EYA4: variants seen among roughly 807,000 people sequenced by gnomAD.
EYA4 encodes EYA transcriptional coactivator and phosphatase 4.
A neutral mutation model predicts 87.9 loss-of-function variants in EYA4; 31 were observed. That is an observed-to-expected ratio of 0.35 (90% CI 0.27 to 0.48). The LOEUF is 0.48. Among genes scored for constraint, EYA4 ranks in the 20% least tolerant of loss-of-function variants. EYA4 has a pLI of 0.99. For missense variants in EYA4, 678 were observed against 761.4 expected, an observed-to-expected ratio of 0.89 and a Z score of 1.29; for synonymous variants, 263 against 270.6, an observed-to-expected ratio of 0.97 and a Z score of 0.28.
rs763899252 is a variant in EYA4, at chr6:133,468,628, G to A, written c.867G>A (p.Thr289=). 4.0e-5 allele frequency: 64 copies of A among 1,612,498 alleles called. 2 individuals are homozygous for A. In the South Asian group the frequency reaches 5.2e-4, roughly 13 times the overall value. The change falls in exon 11 of 20, where the codon ACG becomes ACA. Residue 289 remains threonine, a synonymous_variant. Coordinates refer to ENST00000355286, the MANE Select transcript of EYA4 (RefSeq NM_004100.5). ...NQYAQYYSAS[T]YGAYMTSNNT... is the part of the protein sequence containing the mutation. ...ATGCACAGTATTATTCAGCATCAAC[G>A]TATGGAGCGTATATGACATCGAATA...
rs151214258 is a variant in EYA4 at position 133,361,591 on chromosome 6, C to T, written c.34-20801C>T. ...TGAATAAGATAAAACTCAAACCGTT[C>T]GTAGTTGTTGGCAGTTTTAGGGATG... is the stretch of plus-strand genomic sequence containing the variant. On this transcript the variant is annotated intron_variant, in intron 2 of 19. Transcript: ENST00000355286. 8.3e-4 allele frequency among the ~76,000 whole-genome samples: 126 copies of T among 152,152 alleles called. 3 individuals carry two copies. In the East Asian group the frequency reaches 0.018, roughly 22 times the overall value.
Position 133,531,293 on chromosome 6 carries a change from G to A in EYA4, c.*2488G>A. The A allele has an allele frequency of 8.0e-7, 1 of 1,245,904 alleles. No homozygotes were observed. Among genetic ancestry groups the A allele is most frequent in the South Asian group, 1.3e-5 (1 of 77,954 alleles). 77.2% of individuals were successfully genotyped at this position (1,245,904 alleles called of 1,614,324 possible). A position where few individuals can be genotyped will look rare whatever the true frequency, so the allele number is the denominator to read the frequency against. On this transcript the variant is annotated 3_prime_UTR_variant, in exon 20 of 20. Transcript: ENST00000355286. ...AACAATGGTGCAGGCCCACGAGCCA[G>A]CATCACAGCTTGGCCATGGGACGTT...
chr6:133,406,541 A>G (rs1025203395), intron 3 of EYA4, among the ~76,000 whole-genome samples: 4 of 152,228 alleles, frequency 2.6e-5, no homozygotes, highest in African/African-American at 9.6e-5. Flanking sequence ...ATGAGTATAT[A>G]TTTTGTGAAT....
chr6:133,330,923 A>AT (rs931520317), intron 2 of EYA4, among the ~76,000 whole-genome samples: 2 of 150,882 alleles, frequency 1.3e-5, no homozygotes, highest in African/African-American at 4.9e-5. Flanking sequence ...GCTGTTGGCA[A>AT]TTTTTTTTTA....
chr6:133,282,488 G>C (rs1421480654), intron 2 of EYA4, among the ~76,000 whole-genome samples: 2 of 152,002 alleles, frequency 1.3e-5, no homozygotes, highest in Non-Finnish European at 2.9e-5. Flanking sequence ...TTCAGCACAA[G>C]ATTTCATTAA....
intron 2 of EYA4, among the ~76,000 whole-genome samples, chr6:133,361,672 C>T (rs752569599): frequency 6.6e-6 from 1 of 152,180 alleles, no homozygotes; most frequent in African/African-American, 2.4e-5. Context: ...TGAAGACCTC[C>T]TGGGCCAATT....
At chr6:133,314,199 GA>G (rs1327407445) in intron 2 of EYA4, among the ~76,000 whole-genome samples, 2 of 152,106 alleles carry the variant, frequency 1.3e-5, no homozygotes, top group East Asian at 1.9e-4. Flanking sequence ...GAAATGCTAG[GA>G]AAAAAATATA....
At chr6:133,398,228 C>T (rs533158972) in intron 3 of EYA4, among the ~76,000 whole-genome samples, 1 of 152,282 alleles carries the variant, frequency 6.6e-6, no homozygotes, top group African/African-American at 2.4e-5. Flanking sequence ...AATGACCAAA[C>T]TGGTTTTGCA....
chr6:133,246,855 A>G (rs536867326), intron 1 of EYA4: 2 of 152,204 alleles, frequency 1.3e-5, no homozygotes, highest in South Asian at 2.1e-4. Flanking sequence ...TGTTATTCCT[A>G]TTTTACAGAT....
chr6:133,434,185 A>G (rs1377722107), intron 3 of EYA4, among the ~76,000 whole-genome samples: 1 of 152,238 alleles, frequency 6.6e-6, no homozygotes, highest in Non-Finnish European at 1.5e-5. Context: ...GCTCTTGGGC[A>G]GGACAGGTCA....
In EYA4 at chr6:133,296,771, A is replaced by T. The variant is rs1034802178; in HGVS notation, c.33+21958A>T. Among the ~76,000 whole-genome samples the T allele has an allele frequency of 7.2e-5, 11 of 151,908 alleles. No homozygotes were observed. In the East Asian group the frequency reaches 2.1e-3, roughly 29 times the overall value. On this transcript the variant is annotated intron_variant, in intron 2 of 19. Transcript: ENST00000355286. ...CTTTCTCCTTTTTCATTCATCATCT[A>T]TTTTTTTATTTATCATCTATCAGGT...
chr6:133,268,727 C>G (rs1222684483), intron 1 of EYA4, among the ~76,000 whole-genome samples: 2 of 151,964 alleles, frequency 1.3e-5, no homozygotes, highest in Admixed American at 1.3e-4. Flanking sequence ...AAAGGATAAG[C>G]AAGAAAGGGA....
chr6:133,309,741 C>T (rs1474946125), intron 2 of EYA4, among the ~76,000 whole-genome samples: 1 of 152,138 alleles, frequency 6.6e-6, no homozygotes, highest in East Asian at 1.9e-4. Flanking sequence ...TCTTAAAGTT[C>T]TCTGGCACAA....
chr6:133,394,257 G>T (rs1457062303), intron 3 of EYA4, among the ~76,000 whole-genome samples: 1 of 134,940 alleles, frequency 7.4e-6, no homozygotes, highest in Non-Finnish European at 1.5e-5. Context: ...CATAAGAATA[G>T]TTGGAAAAAT....
rs148844887 is a variant in EYA4 at position 133,321,653 on chromosome 6, T to G, written c.33+46840T>G. 4.5e-3 allele frequency among the ~76,000 whole-genome samples: 690 copies of G among 152,322 alleles called. 4 individuals carry two copies. Among genetic ancestry groups the G allele is most frequent in the African/African-American group, 0.016 (671 of 41,580 alleles). On this transcript the variant is annotated intron_variant, in intron 2 of 19. Coordinates refer to ENST00000355286, the MANE Select transcript of EYA4 (RefSeq NM_004100.5). ...AATTGGTCGATCTTGTTCACTGTAT[T>G]TCTTGGGATTAGAATGTATTTCTGT...
At chr6:133,510,605 C>A (rs563978709) in intron 14 of EYA4, 3 of 247,176 alleles carry the variant, frequency 1.2e-5, no homozygotes, top group Non-Finnish European at 2.4e-5. Context: ...AAGCATAATG[C>A]CTCCTTTGGT....
chr6:133,445,490 G>C (rs1792727111), intron 3 of EYA4, among the ~76,000 whole-genome samples: 5 of 151,076 alleles, frequency 3.3e-5, no homozygotes. Context: ...AACTTTTATT[G>C]ATCTTTATGT....
At chr6:133,306,052 A>G (rs1398991207) in intron 2 of EYA4, among the ~76,000 whole-genome samples, 1 of 152,116 alleles carries the variant, frequency 6.6e-6, no homozygotes, top group Non-Finnish European at 1.5e-5. Flanking sequence ...ATTGTGCCAA[A>G]TGTAACCACT....
At chr6:133,453,419 G>A (rs984642827) in intron 5 of EYA4, among the ~76,000 whole-genome samples, 53 of 151,964 alleles carry the variant, frequency 3.5e-4, no homozygotes, top group African/African-American at 1.1e-3. Flanking sequence ...CTAGTTAACT[G>A]TTATATAAAT....
Sources: gnomAD v4.1 joint callset for allele counts (sites outside exome capture counted in the v4.1 genomes callset) on GRCh38, gnomAD v4.1.1 for gene constraint, MANE v1.5 for transcripts, NCBI Gene and HGNC (gene_info 2026-07-23, HGNC 2026-07-21) for gene names.